KCNMB2: variants seen among roughly 807,000 people sequenced by gnomAD.
KCNMB2 encodes calcium-activated potassium channel subunit beta-2.
In KCNMB2, 9 loss-of-function variants were observed where a neutral mutation model predicts 24.5. That is an observed-to-expected ratio of 0.37 (90% CI 0.22 to 0.64). The LOEUF (loss-of-function observed/expected upper bound fraction) is 0.64, where lower values mean the gene tolerates loss of function less well. Ranked by LOEUF, KCNMB2 falls within the 30% of genes least tolerant of loss-of-function variation. The pLI is 0.63. For missense variants in KCNMB2, 226 were observed against 284.3 expected (o/e 0.79, Z 1.47); for synonymous variants, 109 against 104.4 (o/e 1.04, Z -0.27).
chr3:178,777,443 A>C (rs141679350), intron 1 of KCNMB2, among the ~76,000 whole-genome samples: 7 of 152,302 alleles, frequency 4.6e-5, no homozygotes, highest in Non-Finnish European at 7.4e-5. Flanking sequence ...CAAAAACAAA[A>C]AAGTCAGAAA....
At chr3:178,702,232 T>C (rs1008176995) in intron 1 of KCNMB2, among the ~76,000 whole-genome samples, 2 of 129,710 alleles carry the variant, frequency 1.5e-5, no homozygotes, top group African/African-American at 6.0e-5. Flanking sequence ...AACTGAACAA[T>C]GAGAACACTT....
intron 1 of KCNMB2, among the ~76,000 whole-genome samples, chr3:178,582,904 G>A (rs1352902324): frequency 1.3e-5 from 2 of 152,106 alleles, no homozygotes; most frequent in African/African-American, 2.4e-5. Context: ...GCATGACCAC[G>A]AGCAAATTAT....
intron 1 of KCNMB2, among the ~76,000 whole-genome samples, chr3:178,693,513 G>A (rs937028935): frequency 3.3e-5 from 5 of 152,118 alleles, no homozygotes; most frequent in Non-Finnish European, 5.9e-5. Context: ...TAATTATGTG[G>A]TTTTTGTCTT....
intron 1 of KCNMB2, among the ~76,000 whole-genome samples, chr3:178,772,263 G>A (rs1325036919): frequency 1.3e-5 from 2 of 152,174 alleles, no homozygotes; most frequent in African/African-American, 2.4e-5. Flanking sequence ...GTAGAAAATG[G>A]TCAAATGTCT....
intron 1 of KCNMB2, among the ~76,000 whole-genome samples, chr3:178,581,877 G>A (rs1717219869): frequency 6.6e-6 from 1 of 152,216 alleles, no homozygotes; most frequent in South Asian, 2.1e-4. Flanking sequence ...ACAGATGCTG[G>A]AGAGGATGTG....
chr3:178,785,981 C>A (rs1410222457), intron 1 of KCNMB2, among the ~76,000 whole-genome samples: 1 of 152,066 alleles, frequency 6.6e-6, no homozygotes, highest in African/African-American at 2.4e-5. Flanking sequence ...TTAGCTTGCA[C>A]CCAGTGTAAT....
At chr3:178,718,959 T>C (rs1722709352) in intron 1 of KCNMB2, among the ~76,000 whole-genome samples, 1 of 152,050 alleles carries the variant, frequency 6.6e-6, no homozygotes, top group Non-Finnish European at 1.5e-5. Flanking sequence ...GGCTATAAGA[T>C]GGGGTTTAAC....
At chr3:178,703,605 C>A (rs1234223762) in intron 1 of KCNMB2, among the ~76,000 whole-genome samples, 2 of 152,102 alleles carry the variant, frequency 1.3e-5, no homozygotes, top group Non-Finnish European at 2.9e-5. Context: ...AACTGTTATT[C>A]TTTAGCTAAC....
At chr3:178,722,973 A>T (rs1471134479) in intron 1 of KCNMB2, among the ~76,000 whole-genome samples, 1 of 152,162 alleles carries the variant, frequency 6.6e-6, no homozygotes, top group East Asian at 1.9e-4. Flanking sequence ...AAACCATAAC[A>T]GTGTCCTTTC....
At chr3:178,815,145 G>A (rs1423364413) in intron 2 of KCNMB2, among the ~76,000 whole-genome samples, 2 of 151,780 alleles carry the variant, frequency 1.3e-5, no homozygotes, top group Admixed American at 1.3e-4. Context: ...TTTTTGTTTT[G>A]TTTTGTTTTT....
intron 1 of KCNMB2, among the ~76,000 whole-genome samples, chr3:178,756,867 T>C (rs942206895): frequency 6.6e-6 from 1 of 152,054 alleles, no homozygotes; most frequent in Non-Finnish European, 1.5e-5. Flanking sequence ...ACATGCATTT[T>C]TTCCATAATG....
Position 178,784,781 on chromosome 3 carries a change from A to T in KCNMB2, c.-67-22562A>T, listed in dbSNP as rs111563397. Among the ~76,000 whole-genome samples, 169 of 151,408 alleles carry T rather than the reference A, an allele frequency of 1.1e-3. 1 individual carries two copies. Among genetic ancestry groups the T allele is most frequent in the African/African-American group, 3.8e-3 (158 of 41,258 alleles). ...GAGAGTAGGATTTAGAATTTCAAAT[A>T]CATTTTCCTTTATCTGCTTAGTGTC... is the stretch of plus-strand genomic sequence containing the variant. On this transcript the variant is annotated intron_variant, in intron 1 of 4. Coordinates refer to ENST00000452583, the MANE Select transcript of KCNMB2 (RefSeq NM_181361.3).
At chr3:178,778,458 A>ACACACG (rs1194364274) in intron 1 of KCNMB2, among the ~76,000 whole-genome samples, 1 of 37,048 alleles carries the variant, frequency 2.7e-5, no homozygotes, top group Non-Finnish European at 4.8e-5. Flanking sequence ...CCTTTAAGAC[A>ACACACG]CACACACACA....
intron 1 of KCNMB2, among the ~76,000 whole-genome samples, chr3:178,590,581 A>C (rs1432522291): frequency 6.6e-6 from 1 of 152,246 alleles, no homozygotes; most frequent in African/African-American, 2.4e-5. Context: ...TGTATATTCC[A>C]GATACTTCTC....
At chr3:178,831,962 T>C (rs1715071574) in intron 4 of KCNMB2, among the ~76,000 whole-genome samples, 1 of 152,202 alleles carries the variant, frequency 6.6e-6, no homozygotes, top group Admixed American at 6.5e-5. Flanking sequence ...TTTATTCTTT[T>C]CCCAACTTAT....
At chr3:178,712,626 A>G (rs1177129025) in intron 1 of KCNMB2, among the ~76,000 whole-genome samples, 1 of 152,140 alleles carries the variant, frequency 6.6e-6, no homozygotes, top group African/African-American at 2.4e-5. Flanking sequence ...GGAACCCTAC[A>G]AGCATTTGCT....
intron 1 of KCNMB2, among the ~76,000 whole-genome samples, chr3:178,805,360 G>A (rs1422460489): frequency 2.6e-5 from 4 of 152,130 alleles, no homozygotes; most frequent in East Asian, 3.9e-4. Flanking sequence ...GCGCTGAGAG[G>A]AATCTTAGAA....
At chr3:178,619,222 C>A (rs1222067405) in intron 1 of KCNMB2, among the ~76,000 whole-genome samples, 1 of 152,136 alleles carries the variant, frequency 6.6e-6, no homozygotes, top group African/African-American at 2.4e-5. Context: ...TATATACTAT[C>A]TTTCCTTAGC....
chr3:178,794,344 TCTCA>T (rs1415036293), intron 1 of KCNMB2, among the ~76,000 whole-genome samples: 1 of 152,132 alleles, frequency 6.6e-6, no homozygotes, highest in Admixed American at 6.5e-5. Flanking sequence ...CCCCCAGCTT[TCTCA>T]CCTTGGATCA....
Sources: gnomAD v4.1 joint callset for allele counts (sites outside exome capture counted in the v4.1 genomes callset) on GRCh38, gnomAD v4.1.1 for gene constraint, MANE v1.5 for transcripts, NCBI Gene and HGNC (gene_info 2026-07-23, HGNC 2026-07-21) for gene names.